AFG2B: variants seen among roughly 807,000 people sequenced by gnomAD.
AFG2B encodes the protein ATPase family gene 2 protein homolog B.
At chr15:45,414,655 C>G in the AFG2B span, 3 of 1,614,038 alleles carry the variant, frequency 1.9e-6, no homozygotes, top group East Asian at 2.2e-5. Flanking sequence ...CTATGGGCCC[C>G]CTGGATGTGC....
chr15:45,408,310 G>T, the AFG2B span, among the ~76,000 whole-genome samples: 1 of 152,142 alleles, frequency 6.6e-6, no homozygotes, highest in East Asian at 1.9e-4. Context: ...TTAACTTTTT[G>T]CCAAATAAGC....
At chr15:45,414,459 T>A in the AFG2B span, 1 of 969,944 alleles carries the variant, frequency 1.0e-6, no homozygotes, top group Admixed American at 2.2e-5. Context: ...ATGGACTGTT[T>A]CCAGCTCATA....
chr15:45,407,914 C>T, the AFG2B span, among the ~76,000 whole-genome samples: 7 of 152,068 alleles, frequency 4.6e-5, no homozygotes, highest in Non-Finnish European at 1.0e-4. Flanking sequence ...AAAATATAAC[C>T]TGAGAGTGAA....
At chr15:45,415,379 T>C in the AFG2B span, among the ~76,000 whole-genome samples, 1 of 151,536 alleles carries the variant, frequency 6.6e-6, no homozygotes, top group East Asian at 1.9e-4. Flanking sequence ...CACCCTATAA[T>C]CTCAGCTACT....
chr15:45,421,008 A>G, the AFG2B span: 1 of 1,595,032 alleles, frequency 6.3e-7, no homozygotes, highest in Non-Finnish European at 8.5e-7. Context: ...AAAAAAAGCA[A>G]AAGAAATTGT....
chr15:45,405,538 A>ATTAACATAGATGTAACAG, the AFG2B span: 2 of 1,593,538 alleles, frequency 1.3e-6, no homozygotes, highest in Non-Finnish European at 1.7e-6. Flanking sequence ...CATCTATGTT[A>ATTAACATAGATGTAACAG]ATCTATTATT....
the AFG2B span, chr15:45,403,428 T>G: frequency 6.2e-7 from 1 of 1,609,518 alleles, no homozygotes; most frequent in Admixed American, 1.7e-5. Flanking sequence ...ACGGCGCCAG[T>G]GGGGACCGCG....
At chr15:45,402,840 G>A in the AFG2B span, 7 of 1,598,466 alleles carry the variant, frequency 4.4e-6, no homozygotes, top group South Asian at 7.7e-5. Flanking sequence ...CGGCACAGGA[G>A]CTGCTGAGAA....
chr15:45,421,235 TTC>T, the AFG2B span: 3 of 1,508,024 alleles, frequency 2.0e-6, no homozygotes, highest in Non-Finnish European at 2.7e-6. Flanking sequence ...TCTTGTTCAG[TTC>T]ACATTAATTG....
At chr15:45,405,460 A>G in the AFG2B span, 4 of 1,613,922 alleles carry the variant, frequency 2.5e-6, no homozygotes, top group African/African-American at 2.7e-5. Context: ...ACCTGACAGC[A>G]CTCTGTAGGG....
chr15:45,415,596 C>A, the AFG2B span: 14 of 1,612,666 alleles, frequency 8.7e-6, no homozygotes, highest in African/African-American at 1.6e-4. Flanking sequence ...GATATTTCGA[C>A]AAGCAAGAGC....
the AFG2B span, among the ~76,000 whole-genome samples, chr15:45,406,464 C>A: frequency 1.3e-5 from 2 of 152,140 alleles, no homozygotes; most frequent in African/African-American, 2.4e-5. Flanking sequence ...CTTTTCTAAC[C>A]TAGGAGAAGA....
the AFG2B span, among the ~76,000 whole-genome samples, chr15:45,413,792 C>T: frequency 6.6e-6 from 1 of 152,182 alleles, no homozygotes; most frequent in South Asian, 2.1e-4. Flanking sequence ...ATTACATTGT[C>T]TGGGGTCAGT....
At chr15:45,412,456 C>CACAT in the AFG2B span, among the ~76,000 whole-genome samples, 1 of 152,104 alleles carries the variant, frequency 6.6e-6, no homozygotes, top group Non-Finnish European at 1.5e-5. Context: ...TAGAGAGAGC[C>CACAT]ACATAGTCAA....
the AFG2B span, among the ~76,000 whole-genome samples, chr15:45,405,163 A>G: frequency 1.1e-4 from 16 of 152,196 alleles, no homozygotes; most frequent in Non-Finnish European, 2.4e-4. Flanking sequence ...GTTTGTACCC[A>G]TGAGCCAACC....
At chr15:45,418,803 T>A in the AFG2B span, 1 of 1,300,466 alleles carries the variant, frequency 7.7e-7, no homozygotes, top group South Asian at 1.6e-5. Flanking sequence ...AACAGACAGA[T>A]GTGGCCCCAT....
chr15:45,409,545 T>G, the AFG2B span, among the ~76,000 whole-genome samples: 1 of 151,848 alleles, frequency 6.6e-6, no homozygotes, highest in Non-Finnish European at 1.5e-5. Flanking sequence ...AATTCTACTT[T>G]GAGGAAATTA....
chr15:45,406,782 C>G, the AFG2B span, among the ~76,000 whole-genome samples: 1 of 152,322 alleles, frequency 6.6e-6, no homozygotes, highest in Admixed American at 6.5e-5. Context: ...AACCTTTTTA[C>G]CTAAATAATT....
At chr15:45,412,592 TTA>T in the AFG2B span, among the ~76,000 whole-genome samples, 2 of 152,220 alleles carry the variant, frequency 1.3e-5, no homozygotes, top group African/African-American at 4.8e-5. Context: ...GACACTGAAA[TTA>T]TATAATTTTC....
Sources: gnomAD v4.1 joint callset for allele counts (sites outside exome capture counted in the v4.1 genomes callset) on GRCh38, gnomAD v4.1.1 for gene constraint, MANE v1.5 for transcripts, NCBI Gene and HGNC (gene_info 2026-07-23, HGNC 2026-07-21) for gene names.